The following SCD5 variants were observed in gnomAD, a reference collection of about 807,000 sequenced individuals.
The protein encoded by SCD5 is acyl-CoA-desaturase 4.
In SCD5, 20 loss-of-function variants were observed where a neutral mutation model predicts 30.4. The ratio of observed to expected loss-of-function variants is 0.66; its 90% confidence interval spans 0.46 to 0.96. The LOEUF (loss-of-function observed/expected upper bound fraction) is 0.96. Among genes scored for constraint, SCD5 ranks in the 40% least tolerant of loss-of-function variants. SCD5 has a pLI of 0.00. For synonymous variants in SCD5, 173 were observed against 176.4 expected, an observed-to-expected ratio of 0.98 and a Z score of 0.16; for missense variants, 381 against 443.3, an observed-to-expected ratio of 0.86 and a Z score of 1.26.
rs149299807 is a variant in SCD5 at position 82,767,231 on chromosome 4, C to CCTCT, written c.232+31071_232+31074dup. Among the ~76,000 whole-genome samples the CCTCT allele has an allele frequency of 1.6e-3, 246 of 151,036 alleles. 1 individual carries two copies. The highest frequency in any genetic ancestry group is 2.1e-3 in the Non-Finnish European group (142 of 67,902). On this transcript the variant is annotated intron_variant, in intron 1 of 4. Transcript: ENST00000319540. ...GTCTGCACATCTCCACAGCATTTTCCCTCTGTCTCTCTCTCTCTCTCTGTC... is the reference window on the plus strand; with the variant it reads ...GTCTGCACATCTCCACAGCATTTTCCCTCTCTCTGTCTCTCTCTCTCTCTCTGTC...
At chr4:82,714,655 A>G (rs17006151) in intron 1 of SCD5, among the ~76,000 whole-genome samples, 1,805 of 152,074 alleles carry the variant, frequency 0.012, 27 homozygotes, top group Middle Eastern at 0.048. Flanking sequence ...TCTGGAAGGG[A>G]CTCATATAGG....
At chr4:82,757,538 C>G (rs548453553) in intron 1 of SCD5, among the ~76,000 whole-genome samples, 45 of 152,348 alleles carry the variant, frequency 3.0e-4, no homozygotes, top group Non-Finnish European at 6.0e-4. Flanking sequence ...GGGAATTATA[C>G]TGCCTGAAGC....
At chr4:82,747,637 T>C (rs567558731) in intron 1 of SCD5, among the ~76,000 whole-genome samples, 49 of 152,346 alleles carry the variant, frequency 3.2e-4, no homozygotes, top group African/African-American at 1.0e-3. Flanking sequence ...ATCAAACAGA[T>C]ACCAGCTGTC....
intron 1 of SCD5, among the ~76,000 whole-genome samples, chr4:82,789,532 C>T (rs1220266665): frequency 2.0e-5 from 3 of 152,224 alleles, no homozygotes; most frequent in East Asian, 1.9e-4. Context: ...CTGATGCTGG[C>T]GGTCTGAGGA....
intron 1 of SCD5, chr4:82,775,867 A>G (rs1287352977): frequency 6.6e-6 from 1 of 152,228 alleles, no homozygotes; most frequent in Non-Finnish European, 1.5e-5. Flanking sequence ...AAAAAAAAAA[A>G]AGTTCATCAT....
intron 2 of SCD5, chr4:82,697,969 G>A: frequency 2.2e-6 from 1 of 456,574 alleles, no homozygotes; most frequent in Non-Finnish European, 4.4e-6. Context: ...TGCCCTGGAT[G>A]GTGAAATGCT....
At chr4:82,638,895 A>C (rs996677426) in intron 3 of SCD5, among the ~76,000 whole-genome samples, 1 of 152,224 alleles carries the variant, frequency 6.6e-6, no homozygotes, top group East Asian at 1.9e-4. Flanking sequence ...AATTCTAACA[A>C]ACATTCTCTG....
chr4:82,785,602 G>A (rs374759161), intron 1 of SCD5, among the ~76,000 whole-genome samples: 5 of 152,096 alleles, frequency 3.3e-5, no homozygotes, highest in African/African-American at 7.2e-5. Flanking sequence ...AATAAATTTC[G>A]ATTTGTTTTT....
chr4:82,692,917 AT>A (rs1719591256), intron 2 of SCD5, among the ~76,000 whole-genome samples: 1 of 152,082 alleles, frequency 6.6e-6, no homozygotes. Context: ...GAAGCTGGGG[AT>A]AAGTAGGATC....
intron 1 of SCD5, among the ~76,000 whole-genome samples, chr4:82,714,130 C>T (rs1720170649): frequency 6.6e-6 from 1 of 152,224 alleles, no homozygotes; most frequent in Non-Finnish European, 1.5e-5. Flanking sequence ...ACATTATTCC[C>T]ACAGCCTACA....
intron 2 of SCD5, 96 bp from the exon 3 acceptor site, chr4:82,681,008 A>C: frequency 1.0e-6 from 1 of 987,486 alleles, no homozygotes; most frequent in Non-Finnish European, 1.5e-6. Context: ...ACCAGTCCTC[A>C]CTGCTGGTTT....
At chr4:82,685,780 TTAA>T (rs1329438395) in intron 2 of SCD5, among the ~76,000 whole-genome samples, 1 of 152,092 alleles carries the variant, frequency 6.6e-6, no homozygotes, top group African/African-American at 2.4e-5. Context: ...AAAATTAATT[TTAA>T]TAATATATTT....
At chr4:82,784,026 G>A (rs954144649) in intron 1 of SCD5, among the ~76,000 whole-genome samples, 5 of 151,976 alleles carry the variant, frequency 3.3e-5, no homozygotes, top group East Asian at 3.8e-4. Flanking sequence ...CGTATATAAC[G>A]TATATACATA....
intron 1 of SCD5, among the ~76,000 whole-genome samples, chr4:82,741,547 A>G (rs1720873174): frequency 6.6e-6 from 1 of 152,156 alleles, no homozygotes; most frequent in South Asian, 2.1e-4. Context: ...CCAGCCAGCA[A>G]AGAATCATGA....
intron 1 of SCD5, among the ~76,000 whole-genome samples, chr4:82,742,652 T>C (rs1295654808): frequency 6.6e-6 from 1 of 152,158 alleles, no homozygotes. Context: ...CTGGGCATGG[T>C]GGCTCATGCC....
At chr4:82,739,603 C>A (rs1280706271) in intron 1 of SCD5, among the ~76,000 whole-genome samples, 1 of 152,220 alleles carries the variant, frequency 6.6e-6, no homozygotes, top group Admixed American at 6.5e-5. Context: ...AAACTCACCC[C>A]AACGATGCTC....
At chr4:82,723,912 G>T (rs1204091196) in intron 1 of SCD5, among the ~76,000 whole-genome samples, 7 of 152,184 alleles carry the variant, frequency 4.6e-5, no homozygotes, top group Admixed American at 4.6e-4. Flanking sequence ...AATTATAAAA[G>T]ATAGTCTGAG....
At chr4:82,700,781 T>G (rs1431045647) in intron 2 of SCD5, among the ~76,000 whole-genome samples, 2 of 102,260 alleles carry the variant, frequency 2.0e-5, no homozygotes, top group African/African-American at 7.6e-5. Context: ...AGTGAGACCC[T>G]GTCTCTAAAA....
intron 1 of SCD5, among the ~76,000 whole-genome samples, chr4:82,718,083 A>AATAAT (rs1720271148): frequency 2.9e-5 from 4 of 139,034 alleles, no homozygotes; most frequent in Admixed American, 2.8e-4. Flanking sequence ...TTTTTTTTTT[A>AATAAT]AAAAAAAAAA....
Sources: gnomAD v4.1 joint callset for allele counts (sites outside exome capture counted in the v4.1 genomes callset) on GRCh38, gnomAD v4.1.1 for gene constraint, MANE v1.5 for transcripts, NCBI Gene and HGNC (gene_info 2026-07-23, HGNC 2026-07-21) for gene names.